The following EPHA6 variants were observed in gnomAD, a reference collection of about 807,000 sequenced individuals.
EPHA6 encodes EPH receptor A6, also known as ephrin type-A receptor 6.
EPHA6 carries 50 observed loss-of-function variants against 112.0 expected under a neutral mutation model. The observed-to-expected ratio is 0.45, with a 90% CI of 0.36 to 0.56. EPHA6 has a LOEUF of 0.56. EPHA6 is among the 20% of genes least tolerant of loss of function. The pLI is 0.00. For missense variants in EPHA6, 1,280 were observed against 1,417.4 expected (o/e 0.90, Z 1.56); for synonymous variants, 529 against 490.7 (o/e 1.08, Z -1.03).
At chr3:97,676,629 A>G (rs2031410953) in intron 14 of EPHA6, among the ~76,000 whole-genome samples, 1 of 152,214 alleles carries the variant, frequency 6.6e-6, no homozygotes, top group Admixed American at 6.5e-5. Context: ...AAAATAGATG[A>G]CACAGAAAAA....
intron 2 of EPHA6, among the ~76,000 whole-genome samples, chr3:96,897,211 AACACACACACACAC>A (rs57409609): frequency 1.2e-4 from 17 of 143,334 alleles, no homozygotes; most frequent in South Asian, 2.2e-4. Flanking sequence ...TGTATATACA[AACACACACACACAC>A]ACACACACAC....
At chr3:97,323,210 A>T (rs973888547) in intron 5 of EPHA6, among the ~76,000 whole-genome samples, 33 of 151,922 alleles carry the variant, frequency 2.2e-4, no homozygotes, top group Admixed American at 3.3e-4. Flanking sequence ...GTTTTTTTTT[A>T]AAAAGTTCTG....
At chr3:97,613,773 C>T (rs1413555396) in intron 13 of EPHA6, among the ~76,000 whole-genome samples, 1 of 152,206 alleles carries the variant, frequency 6.6e-6, no homozygotes, top group African/African-American at 2.4e-5. Context: ...GAAGGCACAA[C>T]TTCACCAATG....
At chr3:97,232,386 T>G (rs961062769) in intron 4 of EPHA6, among the ~76,000 whole-genome samples, 36 of 152,220 alleles carry the variant, frequency 2.4e-4, no homozygotes, top group Non-Finnish European at 3.8e-4. Flanking sequence ...AAATTCAAAC[T>G]ATTAGAAATT....
At chr3:96,965,474 A>G (rs1348052406) in intron 2 of EPHA6, among the ~76,000 whole-genome samples, 1 of 152,098 alleles carries the variant, frequency 6.6e-6, no homozygotes, top group Non-Finnish European at 1.5e-5. Flanking sequence ...TTACTTCTGG[A>G]AAATGTCCTT....
intron 2 of EPHA6, among the ~76,000 whole-genome samples, chr3:96,957,312 G>T (rs1182554995): frequency 2.6e-5 from 4 of 152,150 alleles, no homozygotes; most frequent in Non-Finnish European, 4.4e-5. Flanking sequence ...TGACAGTGTT[G>T]CATGGCTAAA....
chr3:97,325,634 C>G (rs1239480152), intron 5 of EPHA6, among the ~76,000 whole-genome samples: 1 of 152,058 alleles, frequency 6.6e-6, no homozygotes, highest in Non-Finnish European at 1.5e-5. Flanking sequence ...ACTCAGTGAG[C>G]CTGGAGGTAG....
Position 96,814,699 on chromosome 3 carries a change from C to T in EPHA6, c.76C>T (p.Pro26Ser). Reference protein sequence around the residue: ...QAASSSEAAAPATGQPGPSCP... With the variant: ...QAASSSEAAASATGQPGPSCP... ...AGCGTCCTCCTCCGAAGCAGCTGCA[C>T]CTGCAACTGGGCAGCCTGGACCCTC... is the stretch of plus-strand genomic sequence containing the variant. The change falls in exon 1 of 18, where the codon CCT becomes TCT. Residue 26 changes from proline to serine, a missense_variant. Physicochemically the swap from Pro to Ser is moderately conservative, Grantham distance 74. This residue lies in a region of EPHA6 where 220 missense variants were observed against 171.5 expected (regional missense o/e 1.28). Coordinates refer to ENST00000389672, the MANE Select transcript of EPHA6 (RefSeq NM_001080448.3). The T allele has an allele frequency of 6.7e-7, 1 of 1,502,634 alleles. No homozygotes were observed. Among genetic ancestry groups the T allele is most frequent in the Non-Finnish European group, 8.9e-7 (1 of 1,125,328 alleles). 93.1% of individuals were successfully genotyped at this position (1,502,634 alleles called of 1,614,324 possible).
At chr3:97,385,960 T>C (rs1226212033) in intron 5 of EPHA6, among the ~76,000 whole-genome samples, 1 of 152,128 alleles carries the variant, frequency 6.6e-6, no homozygotes, top group Non-Finnish European at 1.5e-5. Flanking sequence ...CATTTAAGAT[T>C]ACAATTTGAC....
intron 3 of EPHA6, among the ~76,000 whole-genome samples, chr3:97,153,982 A>G (rs187741081): frequency 8.9e-4 from 135 of 152,118 alleles, no homozygotes; most frequent in African/African-American, 3.1e-3. Context: ...CCTGCCCAAC[A>G]TGGCGAAATC....
At chr3:97,534,798 A>G (rs1254777269) in intron 11 of EPHA6, among the ~76,000 whole-genome samples, 1 of 152,048 alleles carries the variant, frequency 6.6e-6, no homozygotes, top group African/African-American at 2.4e-5. Flanking sequence ...CTTCTGTATT[A>G]TATATCTCTG....
In EPHA6 at chr3:97,244,259, A is replaced by T; in HGVS notation, c.1578A>T (p.Thr526=). 1 of 1,613,242 alleles carries T rather than the reference A, an allele frequency of 6.2e-7. No homozygotes were observed. Among genetic ancestry groups the T allele is most frequent in the Non-Finnish European group, 8.5e-7 (1 of 1,179,418 alleles). The part of the protein sequence containing the change: ...SELSFSPKPF[T]AITVTTDQDA... ...TGAGTTTTTCTCCCAAGCCATTCACAGCTATTACAGTGACCACGGATCAAG... is the reference window on the plus strand; with the variant it reads ...TGAGTTTTTCTCCCAAGCCATTCACTGCTATTACAGTGACCACGGATCAAG... Residue 526 remains threonine, a synonymous_variant, in exon 5 of 18, where the codon ACA becomes ACT. Coordinates refer to ENST00000389672, the MANE Select transcript of EPHA6 (RefSeq NM_001080448.3).
intron 2 of EPHA6, among the ~76,000 whole-genome samples, chr3:96,954,615 C>T (rs1398094477): frequency 1.3e-5 from 2 of 152,148 alleles, no homozygotes; most frequent in African/African-American, 2.4e-5. Flanking sequence ...CCCTCATTCA[C>T]TCATGGCTGT....
intron 3 of EPHA6, among the ~76,000 whole-genome samples, chr3:97,027,873 A>G (rs2044696090): frequency 6.6e-6 from 1 of 152,148 alleles, no homozygotes; most frequent in Non-Finnish European, 1.5e-5. Context: ...AATAGTTCTT[A>G]ATCAAGAATG....
intron 2 of EPHA6, among the ~76,000 whole-genome samples, chr3:96,979,695 C>A (rs936128966): frequency 1.3e-5 from 2 of 152,156 alleles, no homozygotes; most frequent in Non-Finnish European, 2.9e-5. Context: ...TATTTCTCCA[C>A]ATCCTCTCCA....
At chr3:97,542,087 T>A (rs1308167080) in intron 11 of EPHA6, among the ~76,000 whole-genome samples, 1 of 130,286 alleles carries the variant, frequency 7.7e-6, no homozygotes, top group South Asian at 2.2e-4. Flanking sequence ...TCGCTTCATG[T>A]TTTTTTGTTT....
chr3:97,232,224 T>C (rs2078547997), intron 4 of EPHA6, among the ~76,000 whole-genome samples: 1 of 152,184 alleles, frequency 6.6e-6, no homozygotes, highest in African/African-American at 2.4e-5. Context: ...AATACATACC[T>C]CATACTGTTG....
intron 12 of EPHA6, among the ~76,000 whole-genome samples, chr3:97,599,003 T>C (rs949745467): frequency 6.6e-6 from 1 of 152,138 alleles, no homozygotes; most frequent in African/African-American, 2.4e-5. Context: ...GATTTGCATT[T>C]CTCTGATGAC....
chr3:97,338,409 AC>A (rs1559899891), intron 5 of EPHA6, among the ~76,000 whole-genome samples: 1 of 151,998 alleles, frequency 6.6e-6, no homozygotes, highest in African/African-American at 2.4e-5. Context: ...GTGAGCATCT[AC>A]CCAGATCACC....
Sources: gnomAD v4.1 joint callset for allele counts (sites outside exome capture counted in the v4.1 genomes callset) on GRCh38, gnomAD v4.1.1 for gene constraint, gnomAD v4.1.1 regional missense constraint, MANE v1.5 for transcripts, NCBI Gene and HGNC (gene_info 2026-07-23, HGNC 2026-07-21) for gene names.